The following ROBO1 variants were observed in gnomAD, a reference collection of about 807,000 sequenced individuals.
The protein encoded by ROBO1 is roundabout homolog 1.
In ROBO1, 149 loss-of-function variants were observed where a neutral mutation model predicts 195.9. The ratio of observed to expected loss-of-function variants is 0.76; its 90% CI spans 0.67 to 0.87. ROBO1 has a LOEUF of 0.87. ROBO1 is among the 40% of genes least tolerant of loss of function. The pLI is 0.00. For synonymous variants in ROBO1, 816 were observed against 733.2 expected (o/e 1.11, Z -1.82); for missense variants, 1,933 against 2,068.3 (o/e 0.93, Z 1.27).
rs777053641 is a variant in ROBO1, at chr3:78,668,127, A to G, written c.1799+7T>C. ...AGAACAACTAGGAAGCATCTCCTTC[A>G]CTCTACCTGAAGGCTTCTATAATAT... On this transcript the variant is annotated splice_region_variant and intron_variant, in intron 13 of 30. Coordinates refer to ENST00000464233, the MANE Select transcript of ROBO1 (RefSeq NM_002941.4). 1 of 1,612,912 alleles carries G rather than the reference A, an allele frequency of 6.2e-7. No individual in the cohort carries two copies. The highest frequency in any genetic ancestry group is 1.1e-5 in the South Asian group (1 of 90,990).
chr3:79,346,348 C>A (rs900511138), intron 2 of ROBO1, among the ~76,000 whole-genome samples: 1 of 151,974 alleles, frequency 6.6e-6, no homozygotes, highest in Non-Finnish European at 1.5e-5. Flanking sequence ...CTGATACTTT[C>A]AATTTGTAGA....
intron 1 of ROBO1, among the ~76,000 whole-genome samples, chr3:79,754,293 A>G (rs1502312): frequency 0.32 from 48,692 of 152,022 alleles, 9,302 homozygotes; most frequent in Middle Eastern, 0.52. Flanking sequence ...GCAGAGAGAG[A>G]GAACCCCACT....
chr3:78,636,601 C>T (rs905806735), intron 22 of ROBO1, among the ~76,000 whole-genome samples: 3 of 151,748 alleles, frequency 2.0e-5, no homozygotes, highest in African/African-American at 4.8e-5. Context: ...TTATAAAATA[C>T]CTACATTTAA....
intron 2 of ROBO1, among the ~76,000 whole-genome samples, chr3:79,518,273 A>G (rs1338676311): frequency 6.6e-6 from 1 of 152,176 alleles, no homozygotes; most frequent in Admixed American, 6.5e-5. Flanking sequence ...GGAGAAAAAA[A>G]TGCATAGGGT....
At chr3:79,355,370 A>G (rs1414548621) in intron 2 of ROBO1, among the ~76,000 whole-genome samples, 2 of 152,172 alleles carry the variant, frequency 1.3e-5, no homozygotes, top group Non-Finnish European at 2.9e-5. Flanking sequence ...AAATCAGGGT[A>G]ACTAACATCC....
chr3:78,663,357 G>A (rs1474128413), intron 14 of ROBO1, among the ~76,000 whole-genome samples: 11 of 151,814 alleles, frequency 7.2e-5, no homozygotes, highest in Non-Finnish European at 4.4e-5. Context: ...GATAATTCTG[G>A]CATCCCATAC....
At chr3:78,909,104 T>C (rs1418644440) in intron 4 of ROBO1, among the ~76,000 whole-genome samples, 5 of 151,886 alleles carry the variant, frequency 3.3e-5, no homozygotes, top group South Asian at 2.1e-4. Flanking sequence ...CTTTTAATAA[T>C]GGTGACTTAT....
rs566497715 is a variant in ROBO1, at chr3:78,672,448, C to T, written c.1343-2147G>A. Among the ~76,000 whole-genome samples the T allele has an allele frequency of 8.6e-5, 13 of 151,680 alleles. No homozygotes were observed. In the East Asian group the frequency reaches 1.4e-3, roughly 16 times the overall value. On this transcript the variant is annotated intron_variant, in intron 10 of 30. Coordinates refer to ENST00000464233, the MANE Select transcript of ROBO1 (RefSeq NM_002941.4). ...AAAATAAAAATAAAAATAAATTAGC[C>T]GGCCATGGTGGTGTGCACCTGTAGT... is the stretch of plus-strand genomic sequence containing the variant.
chr3:79,460,848 C>T (rs1348929106), intron 2 of ROBO1, among the ~76,000 whole-genome samples: 4 of 151,978 alleles, frequency 2.6e-5, no homozygotes, highest in South Asian at 2.1e-4. Flanking sequence ...CCCTGGTTCA[C>T]GCCATTCTCC....
At chr3:79,435,622 T>C (rs1170502076) in intron 2 of ROBO1, among the ~76,000 whole-genome samples, 3 of 152,144 alleles carry the variant, frequency 2.0e-5, no homozygotes, top group Admixed American at 6.6e-5. Flanking sequence ...ATTACTGAGA[T>C]TCCTGTAGGA....
chr3:78,678,644 A>C (rs200567407), intron 10 of ROBO1, among the ~76,000 whole-genome samples: 38,678 of 151,968 alleles, frequency 0.25, 5,098 homozygotes, highest in African/African-American at 0.32. Context: ...GACTCTCTGA[A>C]TAGACCAATA....
intron 1 of ROBO1, among the ~76,000 whole-genome samples, chr3:79,665,446 C>T (rs951731339): frequency 1.1e-4 from 17 of 151,680 alleles, no homozygotes; most frequent in African/African-American, 3.9e-4. Flanking sequence ...GAACAATGAT[C>T]ATTTAGATAT....
chr3:79,537,743 G>C (rs1305231832), intron 2 of ROBO1, among the ~76,000 whole-genome samples: 1 of 152,022 alleles, frequency 6.6e-6, no homozygotes, highest in Non-Finnish European at 1.5e-5. Flanking sequence ...TGGGGGAGTG[G>C]GGAGAGGGGA....
intron 3 of ROBO1, among the ~76,000 whole-genome samples, chr3:78,979,884 G>A (rs567454800): frequency 5.3e-5 from 8 of 151,628 alleles, no homozygotes; most frequent in East Asian, 1.9e-4. Context: ...CATTTTACCC[G>A]CCAAAAATAA....
chr3:79,375,045 G>A (rs965860603), intron 2 of ROBO1, among the ~76,000 whole-genome samples: 1 of 152,098 alleles, frequency 6.6e-6, no homozygotes, highest in Non-Finnish European at 1.5e-5. Flanking sequence ...AAAAATCACA[G>A]GAAGACAAAC....
intron 2 of ROBO1, among the ~76,000 whole-genome samples, chr3:79,554,113 T>C (rs1243621213): frequency 1.3e-5 from 2 of 152,046 alleles, no homozygotes; most frequent in Non-Finnish European, 2.9e-5. Context: ...TCAGTACTTA[T>C]TAAAATTAAA....
chr3:79,462,649 A>G (rs1937712996), intron 2 of ROBO1, among the ~76,000 whole-genome samples: 2 of 152,250 alleles, frequency 1.3e-5, no homozygotes, highest in Admixed American at 6.5e-5. Context: ...AAGAATATAA[A>G]GCTTTTCAAA....
intron 1 of ROBO1, among the ~76,000 whole-genome samples, chr3:79,621,551 T>C (rs6771776): frequency 0.88 from 133,649 of 152,138 alleles, 58,813 homozygotes; most frequent in African/African-American, 0.92. Context: ...ACCTATCAGA[T>C]TAACAGCGGA....
At chr3:78,612,588 A>G (rs1273654986) in intron 28 of ROBO1, among the ~76,000 whole-genome samples, 3 of 152,220 alleles carry the variant, frequency 2.0e-5, no homozygotes, top group Non-Finnish European at 2.9e-5. Context: ...ACTTTAATCA[A>G]TATGCATGAT....
Sources: gnomAD v4.1 joint callset for allele counts (sites outside exome capture counted in the v4.1 genomes callset) on GRCh38, gnomAD v4.1.1 for gene constraint, MANE v1.5 for transcripts, NCBI Gene and HGNC (gene_info 2026-07-23, HGNC 2026-07-21) for gene names.